Variants in ALK observed in about 807,000 individuals in gnomAD.
ALK encodes the protein ALK tyrosine kinase receptor.
In ALK, 74 loss-of-function variants were observed where a neutral mutation model predicts 163.1. The observed-to-expected ratio is 0.45, with a 90% confidence interval of 0.38 to 0.55. The LOEUF is 0.55. Among genes scored for constraint, ALK ranks in the 20% least tolerant of loss-of-function variants. The probability of loss-of-function intolerance (pLI) is 0.00; values close to 1 mark genes in which losing one functional copy is unlikely to be tolerated. For synonymous variants in ALK, 960 were observed against 843.2 expected, an observed-to-expected ratio of 1.14 and a Z score of -2.40; for missense variants, 2,063 against 2,105.3, an observed-to-expected ratio of 0.98 and a Z score of 0.39.
At chr2:29,312,317 A>G (rs1666718540) in intron 8 of ALK, among the ~76,000 whole-genome samples, 1 of 152,038 alleles carries the variant, frequency 6.6e-6, no homozygotes, top group Non-Finnish European at 1.5e-5. Flanking sequence ...CCTCTCACTC[A>G]TTTCTCCTGA....
chr2:29,621,875 G>A (rs1429360901), intron 3 of ALK, among the ~76,000 whole-genome samples: 2 of 152,120 alleles, frequency 1.3e-5, no homozygotes, highest in Non-Finnish European at 1.5e-5. Flanking sequence ...AGGTTATTTA[G>A]AGAGGGACTG....
intron 4 of ALK, among the ~76,000 whole-genome samples, chr2:29,425,693 C>T (rs2148070434): frequency 6.6e-6 from 1 of 152,262 alleles, no homozygotes; most frequent in South Asian, 2.1e-4. Flanking sequence ...ACCTGTGGCT[C>T]AGAGATTTTG....
At chr2:29,294,185 A>G (rs1666117489) in intron 9 of ALK, among the ~76,000 whole-genome samples, 1 of 152,084 alleles carries the variant, frequency 6.6e-6, no homozygotes, top group Non-Finnish European at 1.5e-5. Context: ...TTCCTTGCTT[A>G]TGTCTTCCTC....
chr2:29,708,529 A>G (rs1678979085), intron 2 of ALK, among the ~76,000 whole-genome samples: 1 of 152,198 alleles, frequency 6.6e-6, no homozygotes, highest in Non-Finnish European at 1.5e-5. Flanking sequence ...GTGTTCATCT[A>G]CACCAGGAAG....
chr2:29,499,105 C>T (rs1258365824), intron 4 of ALK, among the ~76,000 whole-genome samples: 3 of 152,166 alleles, frequency 2.0e-5, no homozygotes, highest in African/African-American at 7.2e-5. Flanking sequence ...AATTAGAAGG[C>T]AGGAGTTCTC....
At position 29,852,090 on chromosome 2, in the gene ALK, C is replaced by T. The variant is rs139170394; in HGVS notation, c.667+67903G>A. On this transcript the variant is annotated intron_variant, in intron 1 of 28. Coordinates refer to ENST00000389048, the MANE Select transcript of ALK (RefSeq NM_004304.5). The stretch of plus-strand genomic sequence containing the variant: ...CAAAAACTCATCGATTTTTCTCTTC[C>T]GTTCCCTTAGATGCCAGCACAGGAA... Among the ~76,000 whole-genome samples the T allele has an allele frequency of 2.7e-3, 414 of 152,306 alleles. 3 individuals carry two copies. Among genetic ancestry groups the T allele is most frequent in the African/African-American group, 6.4e-3 (266 of 41,564 alleles).
chr2:29,436,060 C>T (rs1158759595), intron 4 of ALK, among the ~76,000 whole-genome samples: 2 of 151,924 alleles, frequency 1.3e-5, no homozygotes, highest in African/African-American at 4.8e-5. Flanking sequence ...CAGTATCAAG[C>T]AAATGATACT....
chr2:29,896,019 C>G (rs964322835), intron 1 of ALK, among the ~76,000 whole-genome samples: 1 of 152,138 alleles, frequency 6.6e-6, no homozygotes, highest in Admixed American at 6.5e-5. Context: ...GAATGTGTCC[C>G]TAGGATCCAT....
chr2:29,259,405 T>C (rs1369179978), intron 11 of ALK, among the ~76,000 whole-genome samples: 1 of 152,212 alleles, frequency 6.6e-6, no homozygotes, highest in Non-Finnish European at 1.5e-5. Flanking sequence ...AGTATTTATA[T>C]TTATTGCTCA....
intron 3 of ALK, among the ~76,000 whole-genome samples, chr2:29,561,818 G>A (rs1182887530): frequency 6.6e-6 from 1 of 152,118 alleles, no homozygotes; most frequent in African/African-American, 2.4e-5. Flanking sequence ...GAAAATGACC[G>A]GGGCCGGGCA....
At chr2:29,305,576 T>A (rs1666487918) in intron 8 of ALK, among the ~76,000 whole-genome samples, 1 of 152,148 alleles carries the variant, frequency 6.6e-6, no homozygotes, top group African/African-American at 2.4e-5. Flanking sequence ...TGGTTAGAGG[T>A]CCCTTGATAT....
rs1367363116 is a variant in ALK, at chr2:29,246,712, A to G, written c.2204+4393T>C. On this transcript the variant is annotated intron_variant, in intron 12 of 28. Transcript: ENST00000389048. The surrounding 1 kb of genome is among the most constrained non-coding windows in gnomAD (Gnocchi z 4.3). ...CAACTTACGCTGATCCCACCTCCTG[A>G]GCACCTCTGGGCCTGTCCCCTGCAC... 6.6e-6 allele frequency among the ~76,000 whole-genome samples: 1 copy of G among 152,010 alleles called. No individual in the cohort carries two copies.
chr2:29,396,768 C>G (rs924214402), intron 4 of ALK, among the ~76,000 whole-genome samples: 4 of 150,628 alleles, frequency 2.7e-5, no homozygotes, highest in Non-Finnish European at 5.9e-5. Context: ...CTGCACATAC[C>G]AGGGCTCCTT....
intron 3 of ALK, among the ~76,000 whole-genome samples, chr2:29,565,491 G>A (rs1437397876): frequency 6.6e-6 from 1 of 152,160 alleles, no homozygotes; most frequent in Non-Finnish European, 1.5e-5. Flanking sequence ...TATCAAGCAG[G>A]TGGATTATGG....
chr2:29,790,820 G>A (rs183401134), intron 1 of ALK, among the ~76,000 whole-genome samples: 13 of 152,274 alleles, frequency 8.5e-5, no homozygotes, highest in African/African-American at 3.1e-4. Flanking sequence ...CTGACCTCAG[G>A]TGATCCACCT....
At chr2:29,704,123 A>G (rs1446573530) in intron 2 of ALK, among the ~76,000 whole-genome samples, 1 of 152,146 alleles carries the variant, frequency 6.6e-6, no homozygotes, top group Non-Finnish European at 1.5e-5. Flanking sequence ...CATATGAAAC[A>G]TCATGCATAC....
chr2:29,198,030 G>C (rs1669067877), intron 26 of ALK, among the ~76,000 whole-genome samples: 2 of 152,010 alleles, frequency 1.3e-5, no homozygotes, highest in Non-Finnish European at 2.9e-5. Flanking sequence ...ATTTGGAATG[G>C]CTAATGGCTG....
chr2:29,673,246 C>T (rs1483222161), intron 3 of ALK, among the ~76,000 whole-genome samples: 2 of 125,754 alleles, frequency 1.6e-5, no homozygotes, highest in African/African-American at 6.9e-5. Flanking sequence ...ACATGAAGTC[C>T]TTGCCCATGC....
chr2:29,879,393 GA>G (rs1199718748), intron 1 of ALK, among the ~76,000 whole-genome samples: 2 of 152,050 alleles, frequency 1.3e-5, no homozygotes, highest in African/African-American at 2.4e-5. Context: ...GTCTTGCAAG[GA>G]AAAAAAGTGT....
Sources: allele counts gnomAD v4.1 joint callset (sites outside exome capture counted in the v4.1 genomes callset), GRCh38; gene constraint gnomAD v4.1.1; non-coding constraint Gnocchi (gnomAD v3.1); transcripts MANE v1.5; gene names NCBI Gene and HGNC (gene_info 2026-07-23, HGNC 2026-07-21).